Variants in EFR3B observed in about 807,000 individuals in gnomAD.
The protein encoded by EFR3B is EFR3 homolog B, also known as protein EFR3 homolog B.
Under a neutral mutation model 104.7 loss-of-function variants are expected in EFR3B, and 64 were observed. The ratio of observed to expected loss-of-function variants is 0.61; its 90% CI spans 0.50 to 0.75. The LOEUF (loss-of-function observed/expected upper bound fraction) is 0.75. Among genes scored for constraint, EFR3B ranks in the 30% least tolerant of loss-of-function variants. The pLI is 0.00. For synonymous variants in EFR3B, 385 were observed against 417.9 expected (o/e 0.92, Z 0.96); for missense variants, 750 against 1,078.5 (o/e 0.70, Z 4.27).
chr2:25,061,942 T>C (rs1668210391), intron 1 of EFR3B, among the ~76,000 whole-genome samples: 1 of 152,250 alleles, frequency 6.6e-6, no homozygotes, highest in Non-Finnish European at 1.5e-5. Flanking sequence ...TTAAATTTTC[T>C]TTTAATTTAT....
At chr2:25,119,412 G>A (rs1356902526) in intron 4 of EFR3B, among the ~76,000 whole-genome samples, 1 of 152,190 alleles carries the variant, frequency 6.6e-6, no homozygotes, top group Non-Finnish European at 1.5e-5. Flanking sequence ...TAAGGGCAGT[G>A]ATGCACCCAA....
In EFR3B at chr2:25,061,816, C is replaced by A. The variant is rs1009415592; in HGVS notation, c.7+19497C>A. ...TGGCCTACTTGTTAAAAAAAAAAAA[C>A]AAAAAACTAATGCCACACCAGGGAG... On this transcript the variant is annotated intron_variant, in intron 1 of 22. Coordinates refer to ENST00000403714, the MANE Select transcript of EFR3B (RefSeq NM_014971.2). Among the ~76,000 whole-genome samples the A allele has an allele frequency of 3.7e-3, 550 of 150,522 alleles. 5 individuals carry two copies. Among genetic ancestry groups the A allele is most frequent in the African/African-American group, 0.012 (489 of 41,138 alleles).
intron 1 of EFR3B, among the ~76,000 whole-genome samples, chr2:25,076,366 A>G (rs1159230497): frequency 6.6e-6 from 1 of 152,214 alleles, no homozygotes; most frequent in African/African-American, 2.4e-5. Context: ...ACTGATGATG[A>G]TGATGATGAA....
rs1337114813 is a variant in EFR3B at position 25,143,845 on chromosome 2, A to G, written c.2033A>G (p.Tyr678Cys). 6.4e-7 allele frequency: 1 copy of G among 1,551,454 alleles called. No homozygotes were observed. Among genetic ancestry groups the G allele is most frequent in the Non-Finnish European group, 8.7e-7 (1 of 1,146,946 alleles). ...AACTCGGACCGGCTCTGCCTGCCCT[A>G]CATTCCTCAGCTGACAGGTATGAGT... ...GYNSDRLCLP[Y>C]IPQLTDEDRL... Residue 678 changes from tyrosine to cysteine, a missense_variant, in exon 18 of 23, where the codon TAC (tyrosine) becomes TGC (cysteine). Tyr to Cys is a radical substitution (Grantham distance 194). Coordinates refer to ENST00000403714, the MANE Select transcript of EFR3B (RefSeq NM_014971.2).
In EFR3B at chr2:25,128,262, G is replaced by A; in HGVS notation, c.565G>A (p.Asp189Asn). The change falls in exon 6 of 23, where the codon GAC becomes AAC. Residue 189 changes from aspartate to asparagine, a missense_variant. Physicochemically the swap from Asp to Asn is conservative, Grantham distance 23. Transcript: ENST00000403714. Reference protein sequence around the residue: ...VNDELQANIWDPQHMDKIVPS... With the variant: ...VNDELQANIWNPQHMDKIVPS... ...TGATGAACTGCAGGCCAATATCTGG[G>A]ACCCACAGCACATGGATAAGATCGT... 6.4e-7 allele frequency: 1 copy of A among 1,551,806 alleles called. No individual in the cohort carries two copies. Among genetic ancestry groups the A allele is most frequent in the Non-Finnish European group, 8.7e-7 (1 of 1,147,022 alleles).
intron 20 of EFR3B, among the ~76,000 whole-genome samples, chr2:25,151,107 C>T (rs917479855): frequency 1.1e-4 from 17 of 151,996 alleles, no homozygotes; most frequent in Admixed American, 3.3e-4. Flanking sequence ...GCGACACACA[C>T]CCCTTTTTCT....
Position 25,136,546 on chromosome 2 carries a change from T to C in EFR3B, c.1508T>C (p.Leu503Pro). The C allele has an allele frequency of 6.4e-7, 1 of 1,551,474 alleles. No individual in the cohort carries two copies. The highest frequency in any genetic ancestry group is 8.7e-7 in the Non-Finnish European group (1 of 1,146,884). The change falls in exon 14 of 23, where the codon CTG becomes CCG. Residue 503 changes from leucine to proline, a missense_variant. Physicochemically the swap from Leu to Pro is moderately conservative, Grantham distance 98. Transcript: ENST00000403714. The surrounding 1 kb of genome is among the most constrained non-coding windows in gnomAD (Gnocchi z 4.0). ...TISTLSDISV[L>P]KLKVDKCSRQ... ...AGTACCCTCAGTGACATCTCTGTCCTGAAGCTGAAAGTGGACAAGTGCTCT... is the reference window on the plus strand; with the variant it reads ...AGTACCCTCAGTGACATCTCTGTCCCGAAGCTGAAAGTGGACAAGTGCTCT...
At chr2:25,091,249 G>A in intron 1 of EFR3B, 76 bp from the exon 2 acceptor site, 2 of 1,402,726 alleles carry the variant, frequency 1.4e-6, no homozygotes, top group Non-Finnish European at 2.0e-6. Context: ...CTCACAGGCT[G>A]CCCTGGCCCT....
chr2:25,092,513 A>G (rs1490342644), intron 2 of EFR3B, among the ~76,000 whole-genome samples: 1 of 151,894 alleles, frequency 6.6e-6, no homozygotes, highest in African/African-American at 2.4e-5. Flanking sequence ...ACACATGCAC[A>G]CACATATATA....
chr2:25,060,338 G>T lies in EFR3B; in HGVS notation c.7+18019G>T, dbSNP rs367950050. Among the ~76,000 whole-genome samples the T allele has an allele frequency of 5.3e-4, 80 of 152,328 alleles. 2 individuals are homozygous for T. In the South Asian group the frequency reaches 0.016, roughly 30 times the overall value. ...TGAATCAGACCACATCGATGGCTTT[G>T]TGTTAGTCACCTTATTGATCAGGGG... On this transcript the variant is annotated intron_variant, in intron 1 of 22. Transcript: ENST00000403714.
intron 4 of EFR3B, among the ~76,000 whole-genome samples, chr2:25,120,828 G>A (rs1049817920): frequency 6.6e-6 from 1 of 152,292 alleles, no homozygotes; most frequent in African/African-American, 2.4e-5. Flanking sequence ...CCAGGATGCC[G>A]ATCAAGACCT....
intron 18 of EFR3B, 121 bp downstream of exon 18, chr2:25,143,983 A>T: frequency 2.2e-6 from 3 of 1,357,534 alleles, no homozygotes; most frequent in Non-Finnish European, 2.9e-6. Context: ...ATGTCGTGAG[A>T]GCTGAAAGAC....
At chr2:25,123,836 A>G (rs777896389) in intron 5 of EFR3B, among the ~76,000 whole-genome samples, 11 of 152,262 alleles carry the variant, frequency 7.2e-5, no homozygotes, top group Non-Finnish European at 1.6e-4. Flanking sequence ...ATGTGCACAT[A>G]CACATGATCT....
chr2:25,084,709 A>C (rs1451954848), intron 1 of EFR3B, among the ~76,000 whole-genome samples: 12 of 152,240 alleles, frequency 7.9e-5, no homozygotes, highest in Non-Finnish European at 1.5e-5. Flanking sequence ...ACACTGGTTC[A>C]GTCCAGAAAG....
intron 16 of EFR3B, among the ~76,000 whole-genome samples, chr2:25,140,732 AC>A (rs1207146773): frequency 1.3e-5 from 2 of 152,118 alleles, no homozygotes; most frequent in Non-Finnish European, 2.9e-5. Flanking sequence ...ATTCCTTTGT[AC>A]CTGTTTAAAT....
intron 3 of EFR3B, among the ~76,000 whole-genome samples, chr2:25,099,880 A>G (rs1669383462): frequency 6.6e-6 from 1 of 151,888 alleles, no homozygotes; most frequent in Non-Finnish European, 1.5e-5. Context: ...TAAAAAAAAA[A>G]AAAAAAAGAT....
chr2:25,110,023 G>A (rs1271180820), intron 4 of EFR3B, among the ~76,000 whole-genome samples: 1 of 152,088 alleles, frequency 6.6e-6, no homozygotes, highest in East Asian at 1.9e-4. Context: ...CCTGTGGCAG[G>A]CCAGGGTCAT....
chr2:25,109,163 A>G (rs1188768437), intron 4 of EFR3B, among the ~76,000 whole-genome samples: 1 of 143,106 alleles, frequency 7.0e-6, no homozygotes. Context: ...AATTCTTAAG[A>G]CTTAACAACA....
chr2:25,091,028 C>A (rs939412048), intron 1 of EFR3B, among the ~76,000 whole-genome samples: 1 of 152,220 alleles, frequency 6.6e-6, no homozygotes, highest in Admixed American at 6.5e-5. Context: ...CACGAAGCCT[C>A]ACCCCTCAAA....
Sources: gnomAD v4.1 joint callset for allele counts (sites outside exome capture counted in the v4.1 genomes callset) on GRCh38, gnomAD v4.1.1 for gene constraint, Gnocchi (gnomAD v3.1) non-coding constraint, MANE v1.5 for transcripts, NCBI Gene and HGNC (gene_info 2026-07-23, HGNC 2026-07-21) for gene names.